Variants in PHACTR1 observed in about 807,000 individuals in gnomAD.
The protein encoded by PHACTR1 is RPEL repeat containing 1.
PHACTR1 carries 16 observed loss-of-function variants against 69.2 expected under a neutral mutation model. The observed-to-expected ratio is 0.23, with a 90% CI of 0.16 to 0.35. The LOEUF is 0.35. Among genes scored for constraint, PHACTR1 ranks in the 10% least tolerant of loss-of-function variants. The pLI is 1.00. For missense variants in PHACTR1, 510 were observed against 734.7 expected, an observed-to-expected ratio of 0.69 and a Z score of 3.54; for synonymous variants, 312 against 284.5, an observed-to-expected ratio of 1.10 and a Z score of -0.97.
intron 4 of PHACTR1, among the ~76,000 whole-genome samples, chr6:12,945,926 G>A (rs1056986758): frequency 2.6e-5 from 4 of 151,718 alleles, no homozygotes; most frequent in Admixed American, 2.0e-4. Flanking sequence ...TCGTGCCACC[G>A]CACTCCAGCC....
chr6:12,933,702 T>C, intron 4 of PHACTR1: 1 of 1,612,834 alleles, frequency 6.2e-7, no homozygotes, highest in Non-Finnish European at 8.5e-7. Flanking sequence ...GGGCGTCCTC[T>C]TGGGCTCGAA....
At chr6:12,886,442 G>A (rs530396453) in intron 4 of PHACTR1, among the ~76,000 whole-genome samples, 3 of 152,128 alleles carry the variant, frequency 2.0e-5, no homozygotes, top group East Asian at 1.9e-4. Context: ...TCTACTAACC[G>A]CTTTTAATAT....
intron 5 of PHACTR1, among the ~76,000 whole-genome samples, chr6:13,062,644 T>C (rs558633673): frequency 6.6e-6 from 1 of 152,308 alleles, no homozygotes; most frequent in South Asian, 2.1e-4. Context: ...ATGGTTGCCT[T>C]CCATGCTAGC....
At chr6:12,867,075 G>A (rs1489343810) in intron 4 of PHACTR1, among the ~76,000 whole-genome samples, 2 of 152,162 alleles carry the variant, frequency 1.3e-5, no homozygotes, top group Non-Finnish European at 2.9e-5. Context: ...AGCTGCATCA[G>A]GCACTGGTGA....
At chr6:13,071,634 TG>T (rs1809542467) in intron 5 of PHACTR1, among the ~76,000 whole-genome samples, 1 of 152,152 alleles carries the variant, frequency 6.6e-6, no homozygotes, top group Non-Finnish European at 1.5e-5. Context: ...AGAAGACTAT[TG>T]TAATGTTTGG....
At chr6:12,790,602 A>G (rs1249998157) in intron 4 of PHACTR1, among the ~76,000 whole-genome samples, 1 of 152,222 alleles carries the variant, frequency 6.6e-6, no homozygotes, top group Non-Finnish European at 1.5e-5. Context: ...AACCAAGATG[A>G]CATAGTGAGT....
chr6:13,281,205 GA>G, intron 12 of PHACTR1: 1 of 1,142,634 alleles, frequency 8.8e-7, no homozygotes, highest in Middle Eastern at 2.4e-4. Context: ...TCCAGGAAGA[GA>G]AATTTGAAAG....
chr6:13,007,194 A>ATT (rs1562124951), intron 4 of PHACTR1, among the ~76,000 whole-genome samples: 1 of 152,016 alleles, frequency 6.6e-6, no homozygotes, highest in African/African-American at 2.4e-5. Flanking sequence ...CAGCTGCTTT[A>ATT]TTTTATTTTA....
intron 11 of PHACTR1, 136 bp downstream of exon 11, chr6:13,273,051 T>C: frequency 7.7e-7 from 1 of 1,296,124 alleles, no homozygotes; most frequent in Non-Finnish European, 1.1e-6. Flanking sequence ...AAGCTTCATG[T>C]GTGCATGTTA....
chr6:12,762,279 TA>T (rs1384788088), intron 4 of PHACTR1, among the ~76,000 whole-genome samples: 1 of 152,158 alleles, frequency 6.6e-6, no homozygotes, highest in African/African-American at 2.4e-5. Flanking sequence ...TTTTATTAAT[TA>T]AAAAAAGCAA....
intron 4 of PHACTR1, among the ~76,000 whole-genome samples, chr6:12,970,408 A>G (rs1447934766): frequency 6.6e-6 from 1 of 152,226 alleles, no homozygotes; most frequent in Non-Finnish European, 1.5e-5. Context: ...ACTTATTTAA[A>G]TATTAAACCC....
chr6:12,867,993 C>T (rs906514166), intron 4 of PHACTR1, among the ~76,000 whole-genome samples: 1 of 152,152 alleles, frequency 6.6e-6, no homozygotes, highest in Non-Finnish European at 1.5e-5. Context: ...GGTACGGTGG[C>T]TCATGCCTGT....
chr6:12,938,119 T>A (rs914240814), intron 4 of PHACTR1, among the ~76,000 whole-genome samples: 1 of 151,726 alleles, frequency 6.6e-6, no homozygotes, highest in African/African-American at 2.4e-5. Context: ...CAAAACAGAA[T>A]CCTTTCTCGG....
chr6:12,965,857 C>T (rs1196997375), intron 4 of PHACTR1, among the ~76,000 whole-genome samples: 1 of 152,156 alleles, frequency 6.6e-6, no homozygotes, highest in East Asian at 1.9e-4. Context: ...TTAGTTATTT[C>T]CTTCCCACAG....
At chr6:12,932,934 CTTTTT>C (rs35209150) in intron 4 of PHACTR1, among the ~76,000 whole-genome samples, 42 of 124,160 alleles carry the variant, frequency 3.4e-4, no homozygotes, top group African/African-American at 1.1e-3. Flanking sequence ...TATTCCAAAT[CTTTTT>C]TTTTTTTTTT....
chr6:13,065,905 T>C (rs1808555201), intron 5 of PHACTR1, among the ~76,000 whole-genome samples: 1 of 150,884 alleles, frequency 6.6e-6, no homozygotes, highest in East Asian at 2.0e-4. Context: ...TCTGGCCAGA[T>C]CACATATTCC....
Position 13,284,582 on chromosome 6 carries a change from A to C in PHACTR1, c.1650+1020A>C, listed in dbSNP as rs1274288315. ...TATATATATATATAGATACACGTAT[A>C]TATATATATATATACTGGAATAATG... On this transcript the variant is annotated intron_variant, in intron 13 of 14. Transcript: ENST00000332995. Among the ~76,000 whole-genome samples the C allele has an allele frequency of 1.9e-4, 27 of 140,174 alleles. 1 individual carries two copies. Among genetic ancestry groups the C allele is most frequent in the Admixed American group, 1.3e-3 (18 of 14,076 alleles). 92.0% of individuals were successfully genotyped at this position (140,174 alleles called of 152,430 possible). A position where few individuals can be genotyped will look rare whatever the true frequency, so the allele number is the denominator to read the frequency against.
Position 13,246,173 on chromosome 6 carries a change from A to T in PHACTR1, c.1391+15980A>T, listed in dbSNP as rs202027. On this transcript the variant is annotated intron_variant, in intron 10 of 14. Coordinates refer to ENST00000332995, the MANE Select transcript of PHACTR1 (RefSeq NM_030948.6). The surrounding 1 kb of genome is among the most constrained non-coding windows in gnomAD (Gnocchi z 4.2). ...TACTGGAATAAACAGGCCAGTTGTT[A>T]GTTAGCAACCATAACAACTCATATA... Among the ~76,000 whole-genome samples the T allele has an allele frequency of 0.88, 134,751 of 152,266 alleles. 60,044 individuals carry two copies. Among genetic ancestry groups the T allele is most frequent in the African/African-American group, 0.93 (38,811 of 41,572 alleles).
rs146500878 is a variant in PHACTR1, at chr6:13,072,402, G to A, written c.415+18873G>A. On this transcript the variant is annotated intron_variant, in intron 5 of 14. Transcript: ENST00000332995. ...GAATTTTTAAAAAATATAAATAATT[G>A]ATATTAAAGTTTGAAAGCAGAGACA... 4.0e-3 allele frequency among the ~76,000 whole-genome samples: 615 copies of A among 152,236 alleles called. 4 individuals are homozygous for A. Among genetic ancestry groups the A allele is most frequent in the African/African-American group, 0.014 (588 of 41,542 alleles).
Sources: allele counts gnomAD v4.1 joint callset (sites outside exome capture counted in the v4.1 genomes callset), GRCh38; gene constraint gnomAD v4.1.1; non-coding constraint Gnocchi (gnomAD v3.1); transcripts MANE v1.5; gene names NCBI Gene and HGNC (gene_info 2026-07-23, HGNC 2026-07-21).